The following CLSTN2 variants were observed in gnomAD, a reference collection of about 807,000 sequenced individuals.
CLSTN2 encodes the protein calsyntenin 2, also known as calsyntenin-2.
A neutral mutation model predicts 101.2 loss-of-function variants in CLSTN2; 48 were observed. The ratio of observed to expected loss-of-function variants is 0.47; its 90% CI spans 0.38 to 0.60. The LOEUF (loss-of-function observed/expected upper bound fraction) is 0.60, where lower values mean the gene tolerates loss of function less well. Ranked by LOEUF, CLSTN2 falls within the 20% of genes least tolerant of loss-of-function variation. The pLI, the probability that CLSTN2 is intolerant of heterozygous loss-of-function variation, is 0.00. For missense variants in CLSTN2, 1,160 were observed against 1,238.2 expected (o/e 0.94, Z 0.95); for synonymous variants, 481 against 463.6 (o/e 1.04, Z -0.48).
chr3:140,097,570 A>T (rs2008889557), intron 1 of CLSTN2, among the ~76,000 whole-genome samples: 1 of 152,222 alleles, frequency 6.6e-6, no homozygotes, highest in Admixed American at 6.5e-5. Context: ...TCAAATGCAT[A>T]CATAGTTGTA....
At chr3:140,547,139 T>C (rs1935609944) in intron 10 of CLSTN2, among the ~76,000 whole-genome samples, 1 of 152,192 alleles carries the variant, frequency 6.6e-6, no homozygotes, top group Non-Finnish European at 1.5e-5. Flanking sequence ...AAAGCAGGTA[T>C]GGAGGTCATT....
At chr3:140,470,779 C>T (rs991029370) in intron 8 of CLSTN2, among the ~76,000 whole-genome samples, 10 of 152,122 alleles carry the variant, frequency 6.6e-5, no homozygotes, top group South Asian at 2.1e-4. Flanking sequence ...ATAACTCATG[C>T]GGGGCCATTG....
At chr3:140,054,460 G>A (rs937150770) in intron 1 of CLSTN2, among the ~76,000 whole-genome samples, 1 of 152,130 alleles carries the variant, frequency 6.6e-6, no homozygotes, top group Non-Finnish European at 1.5e-5. Flanking sequence ...AGCATTGAAG[G>A]TAAATAATTT....
chr3:140,138,301 G>C (rs1018565141), intron 1 of CLSTN2, among the ~76,000 whole-genome samples: 3 of 152,186 alleles, frequency 2.0e-5, no homozygotes, highest in Non-Finnish European at 2.9e-5. Flanking sequence ...GAACAACTTT[G>C]CTGCCCTCAC....
intron 2 of CLSTN2, among the ~76,000 whole-genome samples, chr3:140,296,492 G>A (rs1290443402): frequency 1.3e-5 from 2 of 152,086 alleles, no homozygotes; most frequent in African/African-American, 4.8e-5. Flanking sequence ...TACTAGTAAG[G>A]CAGAGCAACT....
At position 140,564,042 on chromosome 3, in the gene CLSTN2, TCCGGATCGC is replaced by T; in HGVS notation, c.2567_2575del (p.Arg856_Ala858del). The T allele has an allele frequency of 6.2e-6, 10 of 1,614,108 alleles. No individual in the cohort carries two copies. The highest frequency in any genetic ancestry group is 8.5e-6 in the Non-Finnish European group (10 of 1,180,000). ...GTCGTGGCCATGGGTGTGTACCGGGTCCGGATCGCCCACCAGCACTTCATCCAGGAGACT... is the reference window on the plus strand; with the variant it reads ...GTCGTGGCCATGGGTGTGTACCGGGTCCACCAGCACTTCATCCAGGAGACT... On this transcript the variant is annotated inframe_deletion, in exon 16 of 17. Coordinates refer to ENST00000458420, the MANE Select transcript of CLSTN2 (RefSeq NM_022131.3).
At chr3:140,501,290 G>C (rs12330524) in intron 8 of CLSTN2, among the ~76,000 whole-genome samples, 4,000 of 152,280 alleles carry the variant, frequency 0.026, 174 homozygotes, top group African/African-American at 0.089. Context: ...AAGCAGCCCT[G>C]GTCACTCTAA....
chr3:140,526,764 A>T (rs1007430705), intron 8 of CLSTN2, among the ~76,000 whole-genome samples: 3 of 152,160 alleles, frequency 2.0e-5, no homozygotes, highest in African/African-American at 7.2e-5. Context: ...CAGAATACAG[A>T]ACCCAGAAAT....
intron 2 of CLSTN2, among the ~76,000 whole-genome samples, chr3:140,357,908 A>G (rs77495059): frequency 6.2e-4 from 95 of 152,296 alleles, no homozygotes; most frequent in Non-Finnish European, 1.1e-3. Context: ...AGGAATGCAG[A>G]TGCTTTTATG....
intron 1 of CLSTN2, among the ~76,000 whole-genome samples, chr3:140,003,277 T>A (rs2006886630): frequency 6.6e-6 from 1 of 152,196 alleles, no homozygotes; most frequent in Admixed American, 6.5e-5. Context: ...ACTTCTTAAG[T>A]TAATTCCTAG....
intron 1 of CLSTN2, among the ~76,000 whole-genome samples, chr3:140,007,736 C>T (rs1251175124): frequency 1.3e-5 from 2 of 152,136 alleles, no homozygotes; most frequent in African/African-American, 2.4e-5. Flanking sequence ...AAGCTAAGTA[C>T]GCTCCTTGTG....
intron 1 of CLSTN2, among the ~76,000 whole-genome samples, chr3:140,130,251 T>C (rs1362293363): frequency 6.6e-6 from 1 of 152,146 alleles, no homozygotes; most frequent in East Asian, 1.9e-4. Context: ...TCCTTTGCCT[T>C]GTGGGAATGG....
intron 1 of CLSTN2, among the ~76,000 whole-genome samples, chr3:139,976,364 C>A (rs1935818341): frequency 6.6e-6 from 1 of 152,204 alleles, no homozygotes; most frequent in African/African-American, 2.4e-5. Flanking sequence ...CTAACATCTG[C>A]CACTTAAGGA....
chr3:139,937,323 G>A (rs796737653), intron 1 of CLSTN2, among the ~76,000 whole-genome samples: 5 of 152,136 alleles, frequency 3.3e-5, no homozygotes, highest in African/African-American at 1.2e-4. Flanking sequence ...AGAAAGAGAA[G>A]GAGAGAGATA....
At chr3:140,512,522 T>C (rs1467691050) in intron 8 of CLSTN2, among the ~76,000 whole-genome samples, 1 of 152,238 alleles carries the variant, frequency 6.6e-6, no homozygotes. Context: ...ACTATAGTCT[T>C]GTAGTGTAGT....
At chr3:139,936,976 T>C (rs1324920367) in intron 1 of CLSTN2, among the ~76,000 whole-genome samples, 2 of 152,066 alleles carry the variant, frequency 1.3e-5, no homozygotes, top group South Asian at 4.2e-4. Context: ...AAGTGGCTGA[T>C]ATGAAGGGAT....
chr3:140,281,637 C>A (rs2086848372), intron 2 of CLSTN2, among the ~76,000 whole-genome samples: 1 of 152,092 alleles, frequency 6.6e-6, no homozygotes, highest in Admixed American at 6.6e-5. Context: ...ATTTAAAAAT[C>A]TTCATGTCTG....
At chr3:140,174,089 C>A (rs1282798679) in intron 1 of CLSTN2, among the ~76,000 whole-genome samples, 1 of 152,178 alleles carries the variant, frequency 6.6e-6, no homozygotes, top group Non-Finnish European at 1.5e-5. Flanking sequence ...AACTTATCTG[C>A]TCTGTTTCCC....
chr3:140,169,167 C>A (rs1472137116), intron 1 of CLSTN2, among the ~76,000 whole-genome samples: 1 of 152,016 alleles, frequency 6.6e-6, no homozygotes, highest in Non-Finnish European at 1.5e-5. Context: ...TCTTTAAATT[C>A]TTTCAGCAGT....
Sources: gnomAD v4.1 joint callset for allele counts (sites outside exome capture counted in the v4.1 genomes callset) on GRCh38, gnomAD v4.1.1 for gene constraint, MANE v1.5 for transcripts, NCBI Gene and HGNC (gene_info 2026-07-23, HGNC 2026-07-21) for gene names.